SMPDL3A: variants seen among roughly 807,000 people sequenced by gnomAD.
SMPDL3A encodes sphingomyelin phosphodiesterase acid like 3A, also known as cyclic GMP-AMP phosphodiesterase SMPDL3A.
SMPDL3A carries 39 observed loss-of-function variants against 38.5 expected under a neutral mutation model. That is an observed-to-expected ratio of 1.01 (90% CI 0.78 to 1.32). The LOEUF (loss-of-function observed/expected upper bound fraction) is 1.32. SMPDL3A is among the 40% of genes most tolerant of loss of function. The pLI, the probability that SMPDL3A is intolerant of heterozygous loss-of-function variation, is 0.00. For synonymous variants in SMPDL3A, 180 were observed against 194.3 expected, an observed-to-expected ratio of 0.93 and a Z score of 0.61; for missense variants, 502 against 536.2, an observed-to-expected ratio of 0.94 and a Z score of 0.63.
At chr6:122,795,592 C>A in intron 1 of SMPDL3A, 85 bp from the exon 2 acceptor site, 1 of 999,760 alleles carries the variant, frequency 1.0e-6, no homozygotes, top group Non-Finnish European at 1.5e-6. Flanking sequence ...GAGGAACAAC[C>A]GTCTCTAGTC....
Position 122,809,285 on chromosome 6 carries a change from T to A in SMPDL3A, c.1239T>A (p.Ser413Arg). 6.2e-7 allele frequency: 1 copy of A among 1,613,920 alleles called. No individual in the cohort carries two copies. Among genetic ancestry groups the A allele is most frequent in the Non-Finnish European group, 8.5e-7 (1 of 1,179,810 alleles). The change falls in exon 8 of 8, where the codon AGT becomes AGA. Residue 413 changes from serine to arginine, a missense_variant. Transcript: ENST00000368440. ...AATACTACAATTACTTCTTTGTGAG[T>A]TATGACAGCAGTGTAACATGTGATA... ...FIKYYNYFFV[S>R]YDSSVTCDKT...
chr6:122,805,072 T>A lies in SMPDL3A; in HGVS notation c.902T>A (p.Val301Asp), dbSNP rs771794803. 1.2e-6 allele frequency: 2 copies of A among 1,601,646 alleles called. No individual in the cohort carries two copies. The highest frequency in any genetic ancestry group is 1.7e-6 in the Non-Finnish European group (2 of 1,175,700). The change falls in exon 6 of 8, where the codon GTT (valine) becomes GAT (aspartate). Residue 301 changes from valine (V) to aspartate (D), a missense_variant. Val to Asp is a radical substitution (Grantham distance 152). Transcript: ENST00000368440. ...CACACTCACAGAGACAGCATTATGGTTCTTTCAGATAAAAAAGGTAATGTA... is the reference window on the plus strand; with the variant it reads ...CACACTCACAGAGACAGCATTATGGATCTTTCAGATAAAAAAGGTAATGTA... Reference protein sequence around the residue: ...YGHTHRDSIMVLSDKKGSPVN... With the variant: ...YGHTHRDSIMDLSDKKGSPVN...
Sources: gnomAD v4.1 joint callset for allele counts on GRCh38, gnomAD v4.1.1 for gene constraint, MANE v1.5 for transcripts, NCBI Gene and HGNC (gene_info 2026-07-23, HGNC 2026-07-21) for gene names.